Variants in ST3GAL1 observed in about 807,000 individuals in gnomAD.
The protein encoded by ST3GAL1 is CMP-N-acetylneuraminate-beta-galactosamide-alpha-2,3-sialyltransferase 1.
A neutral mutation model predicts 34.1 loss-of-function variants in ST3GAL1; 16 were observed. The observed-to-expected ratio is 0.47, with a 90% CI of 0.32 to 0.71. ST3GAL1 has a LOEUF of 0.71. Among genes scored for constraint, ST3GAL1 ranks in the 30% least tolerant of loss-of-function variants. The probability of loss-of-function intolerance (pLI) is 0.04; values close to 1 mark genes in which losing one functional copy is unlikely to be tolerated. For synonymous variants in ST3GAL1, 191 were observed against 184.7 expected (o/e 1.03, Z -0.28); for missense variants, 353 against 447.4 (o/e 0.79, Z 1.90).
At chr8:133,537,874 C>CCGGTGCCTGACCTTTCT (rs1818352202) in intron 2 of ST3GAL1, among the ~76,000 whole-genome samples, 1 of 152,194 alleles carries the variant, frequency 6.6e-6, no homozygotes, top group Non-Finnish European at 1.5e-5. Flanking sequence ...GCCATGGTTT[C>CCGGTGCCTGACCTTTCT]AGCTGTCCGG....
intron 2 of ST3GAL1, among the ~76,000 whole-genome samples, chr8:133,511,744 T>G (rs1817503666): frequency 6.6e-6 from 1 of 152,106 alleles, no homozygotes; most frequent in South Asian, 2.1e-4. Flanking sequence ...GATAGATGTA[T>G]ATATAAAGGG....
Position 133,548,174 on chromosome 8 carries a change from C to T in ST3GAL1, c.-581-2248G>A, listed in dbSNP as rs561873951. On this transcript the variant is annotated intron_variant, in intron 1 of 9. Transcript: ENST00000522652. ...CTTTTCAGAAATGAGAATTAAGGCA[C>T]GATGCTCACTGCCACAGCCTCCTAG... 1.9e-4 allele frequency among the ~76,000 whole-genome samples: 29 copies of T among 152,276 alleles called. No homozygotes were observed. The Middle Eastern group carries it at 0.017, about 89-fold the overall frequency.
intron 7 of ST3GAL1, among the ~76,000 whole-genome samples, chr8:133,464,576 G>A (rs1815653263): frequency 6.6e-6 from 1 of 152,226 alleles, no homozygotes; most frequent in African/African-American, 2.4e-5. Flanking sequence ...GGACACTAAA[G>A]CTTGTGGTTT....
At chr8:133,515,713 G>A (rs1817624439) in intron 2 of ST3GAL1, 1 of 152,132 alleles carries the variant, frequency 6.6e-6, no homozygotes, top group South Asian at 2.1e-4. Context: ...CCTAGCCTAT[G>A]AGTAAGCCCA....
chr8:133,556,603 A>AT lies in ST3GAL1; in HGVS notation c.-581-10678dup, dbSNP rs930531406. On this transcript the variant is annotated intron_variant, in intron 1 of 9. Coordinates refer to ENST00000522652, the MANE Select transcript of ST3GAL1 (RefSeq NM_173344.3). The surrounding 1 kb of genome is among the most constrained non-coding windows in gnomAD (Gnocchi z 8.9). ...GCATAACTATGTACTTTCGAACAAG[A>AT]TTTTTAGGATGAAGAAACGAAAGAA... is the stretch of plus-strand genomic sequence containing the variant. Among the ~76,000 whole-genome samples the AT allele has an allele frequency of 3.8e-4, 58 of 152,304 alleles. No individual in the cohort carries two copies. The highest frequency in any genetic ancestry group is 4.7e-4 in the Non-Finnish European group (32 of 68,022).
At chr8:133,543,184 C>G (rs987744858) in intron 2 of ST3GAL1, among the ~76,000 whole-genome samples, 7 of 152,300 alleles carry the variant, frequency 4.6e-5, no homozygotes, top group South Asian at 2.1e-4. Flanking sequence ...GTCCTGCCAA[C>G]CTAATCAGGA....
In ST3GAL1 at chr8:133,469,784, A is replaced by T. The variant is rs1370210381; in HGVS notation, c.307-3694T>A. Among the ~76,000 whole-genome samples, 1 of 152,160 alleles carries T rather than the reference A, an allele frequency of 6.6e-6. No homozygotes were observed. The highest frequency in any genetic ancestry group is 1.9e-4 in the East Asian group (1 of 5,184). On this transcript the variant is annotated intron_variant, in intron 5 of 9. Coordinates refer to ENST00000522652, the MANE Select transcript of ST3GAL1 (RefSeq NM_173344.3). This position sits in a 1 kb window ranked among gnomAD's most constrained non-coding sequence, Gnocchi z 4.3. ...CTGCAGAGACAGGTGGGAAGGAGGG[A>T]CGGCAGAAATGACCTCCGGGCTCTG...
intron 7 of ST3GAL1, among the ~76,000 whole-genome samples, 157 bp downstream of exon 7, chr8:133,464,621 G>A (rs1189252148): frequency 4.6e-5 from 7 of 152,118 alleles, no homozygotes; most frequent in African/African-American, 1.2e-4. Flanking sequence ...TGGAGTAGTC[G>A]GGGAGGCGGC....
intron 5 of ST3GAL1, among the ~76,000 whole-genome samples, chr8:133,475,368 C>A (rs2130943006): frequency 1.3e-5 from 2 of 152,330 alleles, no homozygotes; most frequent in East Asian, 3.9e-4. Context: ...CAAGAGGATG[C>A]ACTTTTGGTG....
Position 133,475,842 on chromosome 8 carries a change from G to A in ST3GAL1, c.183C>T (p.Cys61=). The change falls in exon 5 of 10, where the codon TGC becomes TGT. Residue 61 remains cysteine, a synonymous_variant. Transcript: ENST00000522652. ...KRLIKHRPCT[C]THCIGQRKLS... ...GCTTGCGCTGCCCGATGCAGTGGGT[G>A]CAGGTGCAAGGCCTGTGCTTGATCA... 2.5e-6 allele frequency: 4 copies of A among 1,614,192 alleles called. No individual in the cohort carries two copies. Among genetic ancestry groups the A allele is most frequent in the Non-Finnish European group, 3.4e-6 (4 of 1,180,050 alleles).
At chr8:133,517,452 C>T (rs758396278) in intron 2 of ST3GAL1, among the ~76,000 whole-genome samples, 3 of 152,160 alleles carry the variant, frequency 2.0e-5, no homozygotes, top group Non-Finnish European at 4.4e-5. Context: ...CGGGTTCAAG[C>T]GATTCTCCTG....
intron 2 of ST3GAL1, among the ~76,000 whole-genome samples, chr8:133,510,666 T>C (rs948913335): frequency 2.6e-5 from 4 of 152,250 alleles, no homozygotes; most frequent in African/African-American, 9.6e-5. Flanking sequence ...AATTAGCTAA[T>C]AATTAAAATG....
intron 3 of ST3GAL1, among the ~76,000 whole-genome samples, chr8:133,483,079 C>T (rs562794866): frequency 3.9e-5 from 6 of 152,288 alleles, no homozygotes; most frequent in East Asian, 1.9e-4. Flanking sequence ...TGGTGGCTCA[C>T]GCCTGTAATC....
chr8:133,512,026 C>A (rs1817511660), intron 2 of ST3GAL1, among the ~76,000 whole-genome samples: 1 of 152,190 alleles, frequency 6.6e-6, no homozygotes. Context: ...GCACTACAGC[C>A]TGGCAACAGA....
chr8:133,571,404 C>T lies in ST3GAL1; in HGVS notation c.-582+289G>A, dbSNP rs988155500. On this transcript the variant is annotated intron_variant, in intron 1 of 9. Coordinates refer to ENST00000522652, the MANE Select transcript of ST3GAL1 (RefSeq NM_173344.3). The surrounding 1 kb of genome is among the most constrained non-coding windows in gnomAD (Gnocchi z 6.7). ...CAGCTCCTCCAGTGTCGGCCGAAGA[C>T]CCCTAAGCCCGAACCTCCACCCCGA... Among the ~76,000 whole-genome samples, 2 of 152,176 alleles carry T rather than the reference C, an allele frequency of 1.3e-5. No homozygotes were observed. Among genetic ancestry groups the T allele is most frequent in the African/African-American group, 2.4e-5 (1 of 41,452 alleles).
At chr8:133,530,297 T>C (rs1818113317) in intron 2 of ST3GAL1, among the ~76,000 whole-genome samples, 1 of 151,916 alleles carries the variant, frequency 6.6e-6, no homozygotes, top group Non-Finnish European at 1.5e-5. Context: ...TTTTTTTTTT[T>C]TGAGACAGAG....
chr8:133,562,979 T>C (rs984213120), intron 1 of ST3GAL1, among the ~76,000 whole-genome samples: 2 of 151,962 alleles, frequency 1.3e-5, no homozygotes, highest in Non-Finnish European at 2.9e-5. Flanking sequence ...TTTGGAGTCA[T>C]TCCACCCTCT....
chr8:133,568,308 G>C (rs932289514), intron 1 of ST3GAL1, among the ~76,000 whole-genome samples: 8 of 152,156 alleles, frequency 5.3e-5, no homozygotes, highest in Non-Finnish European at 8.8e-5. Flanking sequence ...GCTGCCACTG[G>C]GACTCAAATG....
chr8:133,519,125 A>G (rs1165322533), intron 2 of ST3GAL1, among the ~76,000 whole-genome samples: 1 of 152,148 alleles, frequency 6.6e-6, no homozygotes, highest in African/African-American at 2.4e-5. Flanking sequence ...CAGGCAGGGC[A>G]GGCATGAAGG....
Sources: gnomAD v4.1 joint callset for allele counts (sites outside exome capture counted in the v4.1 genomes callset) on GRCh38, gnomAD v4.1.1 for gene constraint, Gnocchi (gnomAD v3.1) non-coding constraint, MANE v1.5 for transcripts, NCBI Gene and HGNC (gene_info 2026-07-23, HGNC 2026-07-21) for gene names.